ERICH6B: variants seen among roughly 807,000 people sequenced by gnomAD.
ERICH6B encodes the protein glutamate rich 6B.
A neutral mutation model predicts 80.0 loss-of-function variants in ERICH6B; 69 were observed. The ratio of observed to expected loss-of-function variants is 0.86; its 90% CI spans 0.71 to 1.05. The LOEUF is 1.05. ERICH6B is among the 50% of genes least tolerant of loss of function. The pLI is 0.00. For synonymous variants in ERICH6B, 283 were observed against 291.9 expected (o/e 0.97, Z 0.31); for missense variants, 754 against 796.1 (o/e 0.95, Z 0.64).
chr13:45,567,365 G>A (rs1593783907), intron 9 of ERICH6B, among the ~76,000 whole-genome samples: 1 of 152,320 alleles, frequency 6.6e-6, no homozygotes, highest in East Asian at 1.9e-4. Flanking sequence ...AGGGGCTGGT[G>A]GTGGGATGAT....
rs10653696 is a variant in ERICH6B at position 45,610,833 on chromosome 13, CTGTG to C, written c.-110-3222_-110-3219del. Reference sequence around the variant, plus strand: ...TCAAGTGAAATGTTATGTGGCAGGACTGTGTGTGTGTGTGTGTGTGTGTGTATAT... The same window carrying C: ...TCAAGTGAAATGTTATGTGGCAGGACTGTGTGTGTGTGTGTGTGTGTATAT... On this transcript the variant is annotated intron_variant, in intron 1 of 14. Coordinates refer to ENST00000298738, the MANE Select transcript of ERICH6B (RefSeq NM_182542.3). Among the ~76,000 whole-genome samples, 21 of 147,472 alleles carry C rather than the reference CTGTG, an allele frequency of 1.4e-4. 1 individual carries two copies. Among genetic ancestry groups the C allele is most frequent in the East Asian group, 3.9e-4 (2 of 5,092 alleles).
rs191748049 is a variant in ERICH6B, at chr13:45,596,472, C to T, written c.534G>A (p.Glu178=). 90 of 1,551,718 alleles carry T rather than the reference C, an allele frequency of 5.8e-5. No homozygotes were observed. The African/African-American group carries it at 1.1e-3, about 20-fold the overall frequency. The change falls in exon 3 of 15, where the codon GAG becomes GAA. Residue 178 remains glutamate, a synonymous_variant. Coordinates refer to ENST00000298738, the MANE Select transcript of ERICH6B (RefSeq NM_182542.3). ...TCTCTTCCTTCTCCAGAGCCTTTTC[C>T]TCTTCTAGATATGATTTCTTCCCCA... ...EYLGKKSYLE[E]EKALEKEENL...
At chr13:45,601,924 G>A (rs1015524448) in intron 2 of ERICH6B, among the ~76,000 whole-genome samples, 1 of 152,224 alleles carries the variant, frequency 6.6e-6, no homozygotes, top group African/African-American at 2.4e-5. Flanking sequence ...GTGTGTACAG[G>A]CATAAGGAGT....
intron 3 of ERICH6B, among the ~76,000 whole-genome samples, chr13:45,594,272 C>T (rs964523329): frequency 7.2e-5 from 11 of 152,178 alleles, no homozygotes; most frequent in Admixed American, 3.9e-4. Flanking sequence ...TCAGCATCTC[C>T]CTAGTGTTTT....
At chr13:45,560,668 A>G (rs1874633866) in intron 11 of ERICH6B, among the ~76,000 whole-genome samples, 1 of 152,180 alleles carries the variant, frequency 6.6e-6, no homozygotes, top group Non-Finnish European at 1.5e-5. Flanking sequence ...TACTGTCTCC[A>G]TAGCTTTGTC....
At chr13:45,556,235 G>A (rs2137969466) in intron 11 of ERICH6B, among the ~76,000 whole-genome samples, 1 of 152,150 alleles carries the variant, frequency 6.6e-6, no homozygotes, top group East Asian at 1.9e-4. Flanking sequence ...AGAAGGCTGT[G>A]TCTCATTTGC....
At chr13:45,550,189 C>A in intron 12 of ERICH6B, 42 bp downstream of exon 12, 1 of 1,540,180 alleles carries the variant, frequency 6.5e-7, no homozygotes, top group South Asian at 1.2e-5. Context: ...TTTTAGGTGC[C>A]AATATATGTC....
chr13:45,598,846 T>C (rs1196447137), intron 2 of ERICH6B, among the ~76,000 whole-genome samples: 1 of 152,154 alleles, frequency 6.6e-6, no homozygotes, highest in Non-Finnish European at 1.5e-5. Flanking sequence ...GATAGTGATG[T>C]CATTCTTGGG....
At chr13:45,568,281 A>T in intron 9 of ERICH6B, 34 bp downstream of exon 9, 1 of 1,508,820 alleles carries the variant, frequency 6.6e-7, no homozygotes, top group South Asian at 1.3e-5. Flanking sequence ...ACCCAAATCC[A>T]CTGACCAATC....
chr13:45,568,672 C>A (rs558733571), intron 8 of ERICH6B, among the ~76,000 whole-genome samples: 2 of 152,270 alleles, frequency 1.3e-5, no homozygotes, highest in African/African-American at 4.8e-5. Context: ...TGCAGCAAAC[C>A]ACCATGGCAC....
chr13:45,613,658 C>A (rs948281268), intron 1 of ERICH6B, among the ~76,000 whole-genome samples: 3 of 152,114 alleles, frequency 2.0e-5, no homozygotes, highest in Admixed American at 2.0e-4. Context: ...TGCTGCCTAA[C>A]CAACCCCTTT....
intron 9 of ERICH6B, among the ~76,000 whole-genome samples, chr13:45,564,158 C>A (rs893985638): frequency 1.3e-5 from 2 of 152,218 alleles, no homozygotes; most frequent in African/African-American, 4.8e-5. Context: ...TGCAGCTTGT[C>A]TATATCCCAG....
chr13:45,570,989 T>C (rs1253814207), intron 8 of ERICH6B, among the ~76,000 whole-genome samples: 1 of 152,230 alleles, frequency 6.6e-6, no homozygotes, highest in African/African-American at 2.4e-5. Flanking sequence ...CCGTGTGGCA[T>C]TCACTCCATT....
intron 8 of ERICH6B, among the ~76,000 whole-genome samples, chr13:45,568,952 C>A (rs1402058789): frequency 6.6e-6 from 1 of 152,138 alleles, no homozygotes; most frequent in East Asian, 1.9e-4. Flanking sequence ...AAAAATGCTT[C>A]CATGCTTTAA....
In ERICH6B at chr13:45,592,573, T is replaced by C. The variant is rs61952994; in HGVS notation, c.638-1876A>G. ...ATCTAGCAGGGTAAAGAAAATAAAA[T>C]TCGATGCACTATGTATATCAAAAGA... On this transcript the variant is annotated intron_variant, in intron 3 of 14. Coordinates refer to ENST00000298738, the MANE Select transcript of ERICH6B (RefSeq NM_182542.3). Among the ~76,000 whole-genome samples the C allele has an allele frequency of 8.9e-3, 1,349 of 152,302 alleles. 9 individuals are homozygous for C. Among genetic ancestry groups the C allele is most frequent in the Non-Finnish European group, 0.016 (1,056 of 68,026 alleles).
chr13:45,598,318 A>G (rs1452372533), intron 2 of ERICH6B, among the ~76,000 whole-genome samples: 2 of 152,198 alleles, frequency 1.3e-5, no homozygotes, highest in African/African-American at 4.8e-5. Flanking sequence ...TAGATGTTCA[A>G]TAAACATATG....
In ERICH6B at chr13:45,577,276, C is replaced by T. The variant is rs1010308165; in HGVS notation, c.962-2346G>A. Among the ~76,000 whole-genome samples, 273 of 85,944 alleles carry T rather than the reference C, an allele frequency of 3.2e-3. 2 individuals carry two copies. The highest frequency in any genetic ancestry group is 7.2e-3 in the African/African-American group (202 of 28,164). The allele number at this position is 85,944 out of a possible 152,430, so 56.4% of individuals were successfully genotyped here. A position where few individuals can be genotyped will look rare whatever the true frequency, so the allele number is the denominator to read the frequency against. On this transcript the variant is annotated intron_variant, in intron 7 of 14. Coordinates refer to ENST00000298738, the MANE Select transcript of ERICH6B (RefSeq NM_182542.3). ...TCTCCTGGACTGATTAAAAACAAAT[C>T]TTTTTTTTTTTTTTTTTTTTTTTTT...
intron 11 of ERICH6B, among the ~76,000 whole-genome samples, chr13:45,560,072 T>C (rs1366866281): frequency 6.6e-6 from 1 of 152,212 alleles, no homozygotes; most frequent in Non-Finnish European, 1.5e-5. Flanking sequence ...TAGGTGCATA[T>C]ATATTTAGGA....
intron 2 of ERICH6B, among the ~76,000 whole-genome samples, chr13:45,602,482 C>T (rs1168027871): frequency 6.6e-6 from 1 of 152,188 alleles, no homozygotes; most frequent in Non-Finnish European, 1.5e-5. Flanking sequence ...GACTTCCACT[C>T]ATCACTGGCC....
Sources: gnomAD v4.1 joint callset for allele counts (sites outside exome capture counted in the v4.1 genomes callset) on GRCh38, gnomAD v4.1.1 for gene constraint, MANE v1.5 for transcripts, NCBI Gene and HGNC (gene_info 2026-07-23, HGNC 2026-07-21) for gene names.